The following PTPRM variants were observed in gnomAD, a reference collection of about 807,000 sequenced individuals.
PTPRM encodes the protein protein tyrosine phosphatase receptor type M.
In PTPRM, 47 loss-of-function variants were observed where a neutral mutation model predicts 186.7. The ratio of observed to expected loss-of-function variants is 0.25; its 90% CI spans 0.20 to 0.32. The LOEUF (loss-of-function observed/expected upper bound fraction) is 0.32. Ranked by LOEUF, PTPRM falls within the 10% of genes least tolerant of loss-of-function variation. PTPRM has a pLI of 1.00. For missense variants in PTPRM, 1,494 were observed against 1,865.0 expected (o/e 0.80, Z 3.66); for synonymous variants, 668 against 674.9 (o/e 0.99, Z 0.16).
At chr18:7,834,886 A>G (rs2045954956) in intron 2 of PTPRM, among the ~76,000 whole-genome samples, 1 of 150,752 alleles carries the variant, frequency 6.6e-6, no homozygotes, top group Non-Finnish European at 1.5e-5. Context: ...AGATTTTCCA[A>G]TTTATTGGCA....
At chr18:7,852,216 G>T (rs1446973564) in intron 2 of PTPRM, among the ~76,000 whole-genome samples, 1 of 152,108 alleles carries the variant, frequency 6.6e-6, no homozygotes, top group African/African-American at 2.4e-5. Flanking sequence ...AGATAAAAAA[G>T]GATAGGAAAA....
chr18:7,728,079 A>G (rs1029499184), intron 1 of PTPRM, among the ~76,000 whole-genome samples: 1 of 152,186 alleles, frequency 6.6e-6, no homozygotes, highest in Non-Finnish European at 1.5e-5. Flanking sequence ...AGGCTTCCCC[A>G]AGTTCTTCAA....
intron 22 of PTPRM, among the ~76,000 whole-genome samples, chr18:8,331,440 G>A (rs78125730): frequency 0.06 from 9,059 of 152,144 alleles, 311 homozygotes; most frequent in East Asian, 0.09. Context: ...AGGACTGTCC[G>A]CTCCCCACTA....
chr18:8,253,512 C>T, intron 19 of PTPRM, 98 bp downstream of exon 19: 5 of 1,144,576 alleles, frequency 4.4e-6, no homozygotes, highest in Non-Finnish European at 5.7e-6. Flanking sequence ...AGAAAACCCC[C>T]TGCCCCGAGA....
At chr18:8,112,751 C>T (rs887978449) in intron 11 of PTPRM, among the ~76,000 whole-genome samples, 18 of 152,122 alleles carry the variant, frequency 1.2e-4, no homozygotes, top group Admixed American at 6.6e-5. Flanking sequence ...AGAGGATGAG[C>T]GGGTACCAGA....
intron 13 of PTPRM, among the ~76,000 whole-genome samples, chr18:8,123,458 C>T (rs2092244546): frequency 6.6e-6 from 1 of 152,204 alleles, no homozygotes; most frequent in Admixed American, 6.5e-5. Flanking sequence ...AAATTGTAGA[C>T]TGATGTTATA....
intron 11 of PTPRM, among the ~76,000 whole-genome samples, chr18:8,111,054 A>C (rs965610876): frequency 1.3e-5 from 2 of 152,164 alleles, no homozygotes; most frequent in Non-Finnish European, 2.9e-5. Flanking sequence ...ACTTCTGTAG[A>C]ATACCCTGGT....
At chr18:7,764,907 A>G (rs556820112) in intron 1 of PTPRM, among the ~76,000 whole-genome samples, 1 of 152,250 alleles carries the variant, frequency 6.6e-6, no homozygotes, top group Non-Finnish European at 1.5e-5. Context: ...TCTCGTTTTC[A>G]CTATTGTGGT....
chr18:8,387,131 G>T lies in PTPRM; in HGVS notation c.4104G>T (p.Arg1368Ser). The T allele has an allele frequency of 1.2e-6, 2 of 1,612,196 alleles. No homozygotes were observed. Among genetic ancestry groups the T allele is most frequent in the Non-Finnish European group, 1.7e-6 (2 of 1,178,222 alleles). The change falls in exon 31 of 33, where the codon AGG becomes AGT. Residue 1368 changes from arginine (R) to serine (S), a missense_variant. Arg to Ser is a moderately radical substitution (Grantham distance 110, BLOSUM62 -1). This residue lies in a region of PTPRM where 1,107 missense variants were observed against 1,350.2 expected (regional missense o/e 0.82). Transcript: ENST00000580170. ...AGTTCCTGGGCTGGCCGATGTACAGGGACACACCAGTGTCTAAGCGCTCCT... is the reference window on the plus strand; with the variant it reads ...AGTTCCTGGGCTGGCCGATGTACAGTGACACACCAGTGTCTAAGCGCTCCT... ...QFQFLGWPMY[R>S]DTPVSKRSFL...
At chr18:8,281,046 G>A (rs890920443) in intron 19 of PTPRM, among the ~76,000 whole-genome samples, 3 of 152,208 alleles carry the variant, frequency 2.0e-5, no homozygotes, top group Non-Finnish European at 4.4e-5. Context: ...GGAAAAGATA[G>A]ATTTGAGCTG....
intron 1 of PTPRM, among the ~76,000 whole-genome samples, chr18:7,745,883 T>C (rs949653679): frequency 3.3e-5 from 5 of 152,194 alleles, no homozygotes; most frequent in Non-Finnish European, 7.3e-5. Context: ...AATTTTAAAA[T>C]GATTTAAACC....
At chr18:7,595,363 T>C (rs1346783403) in intron 1 of PTPRM, among the ~76,000 whole-genome samples, 2 of 152,158 alleles carry the variant, frequency 1.3e-5, no homozygotes, top group Admixed American at 6.5e-5. Flanking sequence ...TGAGGAGGAA[T>C]TGGCTGCAAA....
At position 7,635,100 on chromosome 18, in the gene PTPRM, A is replaced by G. The variant is rs150485990; in HGVS notation, c.73+67209A>G. On this transcript the variant is annotated intron_variant, in intron 1 of 32. Coordinates refer to ENST00000580170, the MANE Select transcript of PTPRM (RefSeq NM_001105244.2). The stretch of plus-strand genomic sequence containing the variant: ...ATTTTTACTTAGAGATCAGTAGCTA[A>G]ATATAAAAAAGAACTTAAAATTTGC... Among the ~76,000 whole-genome samples, 51 of 152,290 alleles carry G rather than the reference A, an allele frequency of 3.3e-4. No homozygotes were observed. In the East Asian group the frequency reaches 9.1e-3, roughly 27 times the overall value.
intron 20 of PTPRM, among the ~76,000 whole-genome samples, chr18:8,299,848 CT>C (rs2095137256): frequency 6.6e-6 from 1 of 152,146 alleles, no homozygotes; most frequent in African/African-American, 2.4e-5. Context: ...CAGTGGGCTA[CT>C]TTTGGCCCAC....
intron 2 of PTPRM, among the ~76,000 whole-genome samples, chr18:7,831,904 TC>T (rs1252076403): frequency 6.6e-6 from 1 of 152,206 alleles, no homozygotes; most frequent in East Asian, 1.9e-4. Flanking sequence ...CTGACTTATT[TC>T]ACTTAGCATA....
At chr18:7,866,133 C>T (rs2047677944) in intron 2 of PTPRM, among the ~76,000 whole-genome samples, 1 of 152,012 alleles carries the variant, frequency 6.6e-6, no homozygotes, top group Non-Finnish European at 1.5e-5. Flanking sequence ...TTCAAAAAAC[C>T]ACCTCCTGGA....
chr18:8,054,180 G>T (rs1331937587), intron 7 of PTPRM, among the ~76,000 whole-genome samples: 1 of 151,174 alleles, frequency 6.6e-6, no homozygotes, highest in Non-Finnish European at 1.5e-5. Context: ...TTTGTAAACA[G>T]ATTATGGCAC....
chr18:8,223,754 G>A (rs899979455), intron 14 of PTPRM, among the ~76,000 whole-genome samples: 2 of 152,218 alleles, frequency 1.3e-5, no homozygotes, highest in African/African-American at 2.4e-5. Context: ...TGTGGTTTAT[G>A]TCGAACGCCA....
chr18:8,069,567 C>T (rs1273593606), intron 7 of PTPRM, 119 bp from the exon 8 acceptor site: 39 of 873,742 alleles, frequency 4.5e-5, no homozygotes, highest in South Asian at 1.3e-4. Context: ...ATTTATTATC[C>T]AGGAAGAAGA....
Sources: gnomAD v4.1 joint callset for allele counts (sites outside exome capture counted in the v4.1 genomes callset) on GRCh38, gnomAD v4.1.1 for gene constraint, gnomAD v4.1.1 regional missense constraint, MANE v1.5 for transcripts, NCBI Gene and HGNC (gene_info 2026-07-23, HGNC 2026-07-21) for gene names.